The following MYO10 variants were observed in gnomAD, a reference collection of about 807,000 sequenced individuals.
The protein encoded by MYO10 is unconventional myosin-X.
Under a neutral mutation model 257.3 loss-of-function variants are expected in MYO10, and 133 were observed. The observed-to-expected ratio is 0.52, with a 90% CI of 0.45 to 0.60. MYO10 has a LOEUF of 0.60. Ranked by LOEUF, MYO10 falls within the 20% of genes least tolerant of loss-of-function variation. The probability of loss-of-function intolerance (pLI) is 0.00; values close to 1 mark genes in which losing one functional copy is unlikely to be tolerated. For synonymous variants in MYO10, 1,104 were observed against 1,028.6 expected (o/e 1.07, Z -1.40); for missense variants, 2,399 against 2,635.7 (o/e 0.91, Z 1.97).
Position 16,794,637 on chromosome 5 carries a change from C to A in MYO10, c.467+9G>T. On this transcript the variant is annotated intron_variant, in intron 4 of 40. Transcript: ENST00000513610. ...ATGGGAAAGTCCGACTGGCTGTGAG[C>A]CCCGTTACCTGATGAGGATGCACTG... is the stretch of plus-strand genomic sequence containing the variant. 1.9e-6 allele frequency: 3 copies of A among 1,599,844 alleles called. No individual in the cohort carries two copies. Among genetic ancestry groups the A allele is most frequent in the Non-Finnish European group, 2.6e-6 (3 of 1,172,840 alleles).
At chr5:16,884,984 C>T (rs1203669281) in intron 1 of MYO10, among the ~76,000 whole-genome samples, 1 of 152,136 alleles carries the variant, frequency 6.6e-6, no homozygotes. Flanking sequence ...TGTCTAAATC[C>T]CATGAACTTC....
rs1484694007 is a variant in MYO10, at chr5:16,694,375, C to T, written c.3796G>A (p.Ala1266Thr). Residue 1266 changes from alanine to threonine, a missense_variant, in exon 27 of 41, where the codon GCA (alanine) becomes ACA (threonine). Transcript: ENST00000513610. The stretch of plus-strand genomic sequence containing the variant: ...CAGCCAGGCTTAGCAACCTACTTTG[C>T]CGTTCGCACTTCTACGGTGCCCTTG... ...KLKGTVEVRT[A>T]KEIIDNTTKE... The T allele has an allele frequency of 6.2e-7, 1 of 1,614,038 alleles. No individual in the cohort carries two copies. The highest frequency in any genetic ancestry group is 1.3e-5 in the African/African-American group (1 of 75,074).
rs566879374 is a variant in MYO10 at position 16,668,150 on chromosome 5, G to A, written c.6075+127C>T. Reference sequence around the variant, plus strand: ...GCAGCTGGAAAGGGACCACCACACTGTATTTTCGTGTTTTGAAGAAAAATA... The same window carrying A: ...GCAGCTGGAAAGGGACCACCACACTATATTTTCGTGTTTTGAAGAAAAATA... On this transcript the variant is annotated intron_variant, in intron 40 of 40. Coordinates refer to ENST00000513610, the MANE Select transcript of MYO10 (RefSeq NM_012334.3). 703 of 1,021,870 alleles carry A rather than the reference G, an allele frequency of 6.9e-4. 1 individual carries two copies. The highest frequency in any genetic ancestry group is 9.0e-4 in the Non-Finnish European group (638 of 706,896). 63.3% of individuals were successfully genotyped at this position (1,021,870 alleles called of 1,614,324 possible).
intron 1 of MYO10, among the ~76,000 whole-genome samples, chr5:16,911,942 G>A (rs1745670670): frequency 1.3e-5 from 2 of 152,128 alleles, no homozygotes; most frequent in South Asian, 4.1e-4. Flanking sequence ...GGAGGCTGAG[G>A]CAGAATTGCT....
chr5:16,913,585 G>A (rs943573217), intron 1 of MYO10, among the ~76,000 whole-genome samples: 1 of 152,168 alleles, frequency 6.6e-6, no homozygotes, highest in Non-Finnish European at 1.5e-5. Flanking sequence ...AGGGAAGGCT[G>A]GCAGTGGAAG....
intron 28 of MYO10, among the ~76,000 whole-genome samples, chr5:16,686,187 G>A (rs568262459): frequency 4.3e-4 from 65 of 152,182 alleles, no homozygotes; most frequent in African/African-American, 1.4e-3. Context: ...TTATATCAAG[G>A]ATCCTTACTT....
At chr5:16,844,968 AC>A (rs1743590154) in intron 2 of MYO10, among the ~76,000 whole-genome samples, 3 of 152,112 alleles carry the variant, frequency 2.0e-5, no homozygotes, top group Non-Finnish European at 4.4e-5. Context: ...ACACACACAC[AC>A]ACACACACAG....
chr5:16,742,806 G>A (rs1019174777), intron 19 of MYO10, among the ~76,000 whole-genome samples: 11 of 142,776 alleles, frequency 7.7e-5, no homozygotes, highest in African/African-American at 1.7e-4. Flanking sequence ...AGCAAGACTC[G>A]GTCTCAAAAA....
At chr5:16,805,486 GA>G (rs1184044059) in intron 3 of MYO10, among the ~76,000 whole-genome samples, 3 of 136,918 alleles carry the variant, frequency 2.2e-5, no homozygotes, top group East Asian at 2.1e-4. Context: ...AAAAAGAAAA[GA>G]AAAAAAAGAA....
In MYO10 at chr5:16,877,696, G is replaced by C. The variant is rs1399532470; in HGVS notation, c.33C>G (p.Val11=). Reference sequence around the variant, plus strand: ...AATGCTGGCCATTTTCTCTCAGCCAGACCCGTGTTCCCTGTAAACAAAACA... The same window carrying C: ...AATGCTGGCCATTTTCTCTCAGCCACACCCGTGTTCCCTGTAAACAAAACA... The part of the protein sequence containing the change: MDNFFTEGTR[V]WLRENGQHFP... The change falls in exon 2 of 41, where the codon GTC becomes GTG. Residue 11 remains valine, a synonymous_variant. Coordinates refer to ENST00000513610, the MANE Select transcript of MYO10 (RefSeq NM_012334.3). The C allele has an allele frequency of 2.5e-6, 4 of 1,612,968 alleles. No homozygotes were observed. The highest frequency in any genetic ancestry group is 3.4e-6 in the Non-Finnish European group (4 of 1,179,508).
chr5:16,689,747 A>G, intron 28 of MYO10, 77 bp downstream of exon 28: 4 of 1,227,328 alleles, frequency 3.3e-6, no homozygotes, highest in Non-Finnish European at 4.8e-6. Flanking sequence ...TACAGTAAAC[A>G]GTGCTCTGTG....
chr5:16,684,013 C>T (rs1737129007), intron 29 of MYO10, 78 bp from the exon 30 acceptor site: 1 of 1,294,848 alleles, frequency 7.7e-7, no homozygotes. Context: ...CTCTAGCCCA[C>T]AACTCCCAAT....
intron 1 of MYO10, among the ~76,000 whole-genome samples, chr5:16,929,413 G>A (rs1746236604): frequency 6.6e-6 from 1 of 152,142 alleles, no homozygotes; most frequent in Admixed American, 6.5e-5. Flanking sequence ...AGAGCCTAGA[G>A]AAGATGACGC....
intron 33 of MYO10, among the ~76,000 whole-genome samples, chr5:16,677,416 C>CTTTTTTTTTTTTTTTTTTTTTTTTT (rs796474728): frequency 3.4e-5 from 4 of 119,380 alleles, no homozygotes; most frequent in South Asian, 3.0e-4. Context: ...GTAACTTGAC[C>CTTTTTTTTTTTTTTTTTTTTTTTTT]TTTTTTTTTT....
intron 33 of MYO10, 47 bp from the exon 34 acceptor site, chr5:16,676,201 T>G: frequency 6.3e-7 from 1 of 1,596,904 alleles, no homozygotes; most frequent in Non-Finnish European, 8.5e-7. Context: ...TGTATTTTCC[T>G]ACATATAAAT....
chr5:16,770,898 A>G (rs1741028840), intron 9 of MYO10, among the ~76,000 whole-genome samples: 1 of 152,112 alleles, frequency 6.6e-6, no homozygotes, highest in Non-Finnish European at 1.5e-5. Flanking sequence ...CCTCCTAAGT[A>G]GCAGGGATTA....
intron 1 of MYO10, among the ~76,000 whole-genome samples, chr5:16,891,003 T>C (rs1745032446): frequency 6.6e-6 from 1 of 151,068 alleles, no homozygotes; most frequent in Non-Finnish European, 1.5e-5. Flanking sequence ...AGAAAGTTGG[T>C]CAGGCACGGT....
intron 1 of MYO10, among the ~76,000 whole-genome samples, chr5:16,882,637 A>C (rs1744787124): frequency 6.6e-6 from 1 of 152,216 alleles, no homozygotes; most frequent in East Asian, 1.9e-4. Flanking sequence ...GGTAAGTGAA[A>C]GAAGCCAGAT....
intron 1 of MYO10, among the ~76,000 whole-genome samples, chr5:16,894,734 T>C (rs559983549): frequency 6.6e-6 from 1 of 152,080 alleles, no homozygotes; most frequent in Non-Finnish European, 1.5e-5. Context: ...TCATTGAAAC[T>C]TGACACCAGG....
Sources: gnomAD v4.1 joint callset for allele counts (sites outside exome capture counted in the v4.1 genomes callset) on GRCh38, gnomAD v4.1.1 for gene constraint, MANE v1.5 for transcripts, NCBI Gene and HGNC (gene_info 2026-07-23, HGNC 2026-07-21) for gene names.